Variants in HSPG2 observed in about 807,000 individuals in gnomAD.
HSPG2 encodes heparan sulfate proteoglycan 2.
HSPG2 carries 278 observed loss-of-function variants against 526.6 expected under a neutral mutation model. The ratio of observed to expected loss-of-function variants is 0.53; its 90% confidence interval spans 0.48 to 0.58. The LOEUF is 0.58. HSPG2 is among the 20% of genes least tolerant of loss of function. The probability of loss-of-function intolerance (pLI) is 0.00; values close to 1 mark genes in which losing one functional copy is unlikely to be tolerated. For synonymous variants in HSPG2, 2,465 were observed against 2,555.4 expected (o/e 0.96, Z 1.07); for missense variants, 5,354 against 6,099.5 (o/e 0.88, Z 4.07).
At chr1:21,926,726 C>T (rs1245016696) in intron 1 of HSPG2, among the ~76,000 whole-genome samples, 1 of 123,392 alleles carries the variant, frequency 8.1e-6, no homozygotes, top group Non-Finnish European at 1.6e-5. Context: ...CGCACCACTA[C>T]ACTTCAGGCT....
At chr1:21,829,305 G>A in intron 87 of HSPG2, 78 bp downstream of exon 87, 1 of 1,486,722 alleles carries the variant, frequency 6.7e-7, no homozygotes, top group East Asian at 2.3e-5. Flanking sequence ...ATCCTCCCAT[G>A]CCTCCCTGGG....
chr1:21,843,149 G>A, intron 66 of HSPG2, 148 bp downstream of exon 66: 1 of 1,234,710 alleles, frequency 8.1e-7, no homozygotes, highest in Non-Finnish European at 1.2e-6. Flanking sequence ...TCAGACTTGG[G>A]AACACCTGGG....
At position 21,854,637 on chromosome 1, in the gene HSPG2, C is replaced by T. The variant is rs568331094; in HGVS notation, c.6262G>A (p.Gly2088Arg). The T allele has an allele frequency of 4.4e-6, 7 of 1,581,062 alleles. No individual in the cohort carries two copies. The South Asian group carries it at 8.1e-5, about 18-fold the overall frequency. ...AHAQVTWYRR[G>R]GSLPPHTQVH... Reference sequence around the variant, plus strand: ...TGGGTGTGGGGAGGCAGGCTACCCCCTCGCCTGTACCAGGTGACCTGGGCA... The same window carrying T: ...TGGGTGTGGGGAGGCAGGCTACCCCTTCGCCTGTACCAGGTGACCTGGGCA... The change falls in exon 49 of 97, where the codon GGG becomes AGG. Residue 2088 changes from glycine (G) to arginine (R), a missense_variant. Transcript: ENST00000374695.
chr1:21,833,345 A>G lies in HSPG2; in HGVS notation c.11018T>C (p.Phe3673Ser), dbSNP rs147707402. 145 of 1,614,050 alleles carry G rather than the reference A, an allele frequency of 9.0e-5. 1 individual carries two copies. The highest frequency in any genetic ancestry group is 4.9e-4 in the Middle Eastern group (3 of 6,062). Residue 3673 changes from phenylalanine to serine, a missense_variant, in exon 80 of 97, where the codon TTC (phenylalanine) becomes TCC (serine). Phe to Ser is a radical substitution (Grantham distance 155). Coordinates refer to ENST00000374695, the MANE Select transcript of HSPG2 (RefSeq NM_005529.7). The stretch of plus-strand genomic sequence containing the variant: ...ATCCTTGATGGTGGGCAGCGGTAGG[A>G]AGGAGTAGGGGGTCTGCGTGAAGTA... ...VPYFTQTPYS[F>S]LPLPTIKDAY... is the part of the protein sequence containing the mutation.
rs376356338 is a variant in HSPG2, at chr1:21,861,712, A to G, written c.4955+45T>C. ...CTTTAAGGCTCTCACTTGGGAGTCC[A>G]CCATTTGTCCTCCACCCTCCCCCTA... On this transcript the variant is annotated intron_variant, in intron 39 of 96. Coordinates refer to ENST00000374695, the MANE Select transcript of HSPG2 (RefSeq NM_005529.7). The G allele has an allele frequency of 9.2e-5, 143 of 1,557,546 alleles. No homozygotes were observed. In the African/African-American group the frequency reaches 1.8e-3, roughly 20 times the overall value.
intron 1 of HSPG2, among the ~76,000 whole-genome samples, chr1:21,916,353 C>CA (rs1643888648): frequency 6.6e-6 from 1 of 151,576 alleles, no homozygotes; most frequent in Non-Finnish European, 1.5e-5. Flanking sequence ...TACAAAAACA[C>CA]AATTAGTCAG....
At chr1:21,920,554 T>C (rs1190391140) in intron 1 of HSPG2, among the ~76,000 whole-genome samples, 1 of 152,182 alleles carries the variant, frequency 6.6e-6, no homozygotes, top group Non-Finnish European at 1.5e-5. Flanking sequence ...TATAAAGTGG[T>C]CCAAGCTGCT....
At chr1:21,883,736 C>A (rs372604117) in intron 13 of HSPG2, among the ~76,000 whole-genome samples, 8 of 152,320 alleles carry the variant, frequency 5.3e-5, no homozygotes, top group African/African-American at 1.9e-4. Context: ...TCCTCTGCAA[C>A]GAAGAAGTGA....
intron 22 of HSPG2, 39 bp downstream of exon 22, chr1:21,876,473 A>G (rs758137686): frequency 6.2e-7 from 1 of 1,613,426 alleles, no homozygotes; most frequent in East Asian, 2.2e-5. Context: ...CATCCGGCCC[A>G]GGGCTTGGCG....
chr1:21,827,461 G>A (rs1182318247), intron 91 of HSPG2, among the ~76,000 whole-genome samples: 1 of 152,146 alleles, frequency 6.6e-6, no homozygotes, highest in Non-Finnish European at 1.5e-5. Flanking sequence ...TCTGTAAAGG[G>A]GTTAGCACAG....
Sources: allele counts gnomAD v4.1 joint callset (sites outside exome capture counted in the v4.1 genomes callset), GRCh38; gene constraint gnomAD v4.1.1; transcripts MANE v1.5; gene names NCBI Gene and HGNC (gene_info 2026-07-23, HGNC 2026-07-21).